RSPO2: variants seen among roughly 807,000 people sequenced by gnomAD.
RSPO2 encodes the protein R-spondin 2.
Under a neutral mutation model 30.9 loss-of-function variants are expected in RSPO2, and 14 were observed. The observed-to-expected ratio is 0.45, with a 90% CI of 0.30 to 0.71. The LOEUF (loss-of-function observed/expected upper bound fraction) is 0.71, where lower values mean the gene tolerates loss of function less well. Among genes scored for constraint, RSPO2 ranks in the 30% least tolerant of loss-of-function variants. RSPO2 has a pLI of 0.08. For missense variants in RSPO2, 264 were observed against 301.9 expected (o/e 0.87, Z 0.93); for synonymous variants, 107 against 96.4 (o/e 1.11, Z -0.64).
At chr8:108,021,652 G>A (rs1205924905) in intron 2 of RSPO2, among the ~76,000 whole-genome samples, 2 of 152,068 alleles carry the variant, frequency 1.3e-5, no homozygotes, top group East Asian at 1.9e-4. Context: ...TCTCCTTGGT[G>A]GCCCTAATGG....
At chr8:108,039,841 G>A (rs922964645) in intron 2 of RSPO2, among the ~76,000 whole-genome samples, 2 of 152,128 alleles carry the variant, frequency 1.3e-5, no homozygotes, top group African/African-American at 4.8e-5. Context: ...GGTAAATCAG[G>A]TCATGAAGGT....
At chr8:108,061,832 T>A (rs1812476637) in intron 2 of RSPO2, among the ~76,000 whole-genome samples, 1 of 151,838 alleles carries the variant, frequency 6.6e-6, no homozygotes, top group Non-Finnish European at 1.5e-5. Context: ...TATAACAAAC[T>A]GTCTCTCAGA....
At chr8:107,934,506 G>A (rs1812654644) in intron 5 of RSPO2, among the ~76,000 whole-genome samples, 1 of 152,040 alleles carries the variant, frequency 6.6e-6, no homozygotes, top group South Asian at 2.1e-4. Flanking sequence ...CCAAGTAGCT[G>A]GGATTACAGG....
At chr8:107,983,745 A>G (rs1379003254) in intron 3 of RSPO2, 12 of 1,595,418 alleles carry the variant, frequency 7.5e-6, no homozygotes, top group South Asian at 3.4e-5. Flanking sequence ...AAAAGGTCCA[A>G]TAGAAAAGGA....
chr8:108,038,905 G>C (rs114781876), intron 2 of RSPO2, among the ~76,000 whole-genome samples: 1,874 of 152,244 alleles, frequency 0.012, 42 homozygotes, highest in African/African-American at 0.042. Flanking sequence ...CTTTACTGTG[G>C]TGGTCTGAAA....
rs1811137037 is a variant in RSPO2, at chr8:108,024,250, A to T, written c.95-35006T>A. On this transcript the variant is annotated intron_variant, in intron 2 of 5. Coordinates refer to ENST00000276659, the MANE Select transcript of RSPO2 (RefSeq NM_178565.5). ...TTAACCTGAAAATATACTTGGCACA[A>T]AGTTATTCTTTGCGGTCTGCACCTA... Among the ~76,000 whole-genome samples, 5 of 152,312 alleles carry T rather than the reference A, an allele frequency of 3.3e-5. No homozygotes were observed. In the South Asian group the frequency reaches 6.2e-4, roughly 19 times the overall value.
intron 5 of RSPO2, among the ~76,000 whole-genome samples, chr8:107,940,490 A>C (rs2130372867): frequency 6.6e-6 from 1 of 152,310 alleles, no homozygotes; most frequent in East Asian, 1.9e-4. Flanking sequence ...ATTCTGGTTT[A>C]GGAGTCCCAA....
At position 107,901,026 on chromosome 8, in the gene RSPO2, G is replaced by A; in HGVS notation, c.*49C>T. 6 of 1,600,476 alleles carry A rather than the reference G, an allele frequency of 3.7e-6. No individual in the cohort carries two copies. The highest frequency in any genetic ancestry group is 5.1e-6 in the Non-Finnish European group (6 of 1,171,536). ...GTGCAGGAGTGGAGAGTAGCTTTGT[G>A]CACATTTGCAAAAACAAAAACCCCT... On this transcript the variant is annotated 3_prime_UTR_variant, in exon 6 of 6. Transcript: ENST00000276659.
chr8:107,996,864 T>C, intron 2 of RSPO2: 1 of 443,894 alleles, frequency 2.3e-6, no homozygotes, highest in Non-Finnish European at 4.5e-6. Flanking sequence ...TTTATTTACT[T>C]GAACCTCAAC....
chr8:108,009,894 C>G (rs1158773960), intron 2 of RSPO2, among the ~76,000 whole-genome samples: 1 of 151,592 alleles, frequency 6.6e-6, no homozygotes, highest in African/African-American at 2.4e-5. Context: ...TACAAAAATA[C>G]CAAAATTAGT....
chr8:108,015,539 C>T lies in RSPO2; in HGVS notation c.95-26295G>A, dbSNP rs149121821. On this transcript the variant is annotated intron_variant, in intron 2 of 5. Coordinates refer to ENST00000276659, the MANE Select transcript of RSPO2 (RefSeq NM_178565.5). The stretch of plus-strand genomic sequence containing the variant: ...AACTGTGACCCCTGTCCTTGTTGGG[C>T]CTACCTAGCAAGAATCCCGCTAAGT... Among the ~76,000 whole-genome samples the T allele has an allele frequency of 8.2e-3, 1,243 of 152,184 alleles. 8 individuals carry two copies. The highest frequency in any genetic ancestry group is 0.028 in the African/African-American group (1,173 of 41,496).
At chr8:107,932,179 G>C (rs1812572484) in intron 5 of RSPO2, among the ~76,000 whole-genome samples, 1 of 152,140 alleles carries the variant, frequency 6.6e-6, no homozygotes, top group South Asian at 2.1e-4. Context: ...TCACTTAAGA[G>C]ACCACTGAAG....
chr8:107,963,528 A>AAAG, intron 3 of RSPO2, among the ~76,000 whole-genome samples: 1 of 117,866 alleles, frequency 8.5e-6, no homozygotes, highest in Non-Finnish European at 2.0e-5. Flanking sequence ...GTCTCAAAAA[A>AAAG]AAAAAAAAAA....
chr8:108,028,523 G>A (rs1811297556), intron 2 of RSPO2, among the ~76,000 whole-genome samples: 1 of 152,126 alleles, frequency 6.6e-6, no homozygotes, highest in Admixed American at 6.5e-5. Flanking sequence ...TCTCACTGAT[G>A]TTTCCAAAGG....
At chr8:108,003,292 TATATATATATATATATATA>T (rs1271918832) in intron 2 of RSPO2, among the ~76,000 whole-genome samples, 32 of 27,902 alleles carry the variant, frequency 1.1e-3, no homozygotes, top group South Asian at 4.6e-3. Flanking sequence ...TATATATATA[TATATATATATATATATATA>T]TTTTTTTTTT....
At chr8:108,021,414 G>A (rs1002808654) in intron 2 of RSPO2, among the ~76,000 whole-genome samples, 2 of 152,134 alleles carry the variant, frequency 1.3e-5, no homozygotes, top group Non-Finnish European at 2.9e-5. Context: ...AAGCAAGTAG[G>A]AATTTAGTAT....
chr8:107,984,042 A>T (rs780843561), intron 3 of RSPO2: 33 of 576,856 alleles, frequency 5.7e-5, no homozygotes, highest in Non-Finnish European at 9.8e-5. Flanking sequence ...AAGAAAAGGG[A>T]AAACCACATA....
At position 107,938,049 on chromosome 8, in the gene RSPO2, C is replaced by T. The variant is rs867883944; in HGVS notation, c.616+20031G>A. The stretch of plus-strand genomic sequence containing the variant: ...AAAAGTGCTGTATCAAATAACACTC[C>T]GACAACATAAAAACTTAGTGACATT... On this transcript the variant is annotated intron_variant, in intron 5 of 5. Transcript: ENST00000276659. 1.1e-4 allele frequency among the ~76,000 whole-genome samples: 17 copies of T among 152,006 alleles called. No individual in the cohort carries two copies. In the South Asian group the frequency reaches 2.1e-3, roughly 19 times the overall value.
chr8:107,927,070 A>C (rs1057327680), intron 5 of RSPO2, among the ~76,000 whole-genome samples: 4 of 151,834 alleles, frequency 2.6e-5, no homozygotes, highest in Non-Finnish European at 4.4e-5. Context: ...CTTTTATTTC[A>C]TTGAGCAGTG....
Sources: allele counts gnomAD v4.1 joint callset (sites outside exome capture counted in the v4.1 genomes callset), GRCh38; gene constraint gnomAD v4.1.1; transcripts MANE v1.5; gene names NCBI Gene and HGNC (gene_info 2026-07-23, HGNC 2026-07-21).